Variants in ATXN1 observed in about 807,000 individuals in gnomAD.
ATXN1 encodes the protein ataxin-1.
In ATXN1, 8 loss-of-function variants were observed where a neutral mutation model predicts 56.4. The ratio of observed to expected loss-of-function variants is 0.14; its 90% CI spans 0.08 to 0.26. The LOEUF is 0.26. Among genes scored for constraint, ATXN1 ranks in the 10% least tolerant of loss-of-function variants. ATXN1 has a pLI of 1.00. For missense variants in ATXN1, 987 were observed against 1,106.5 expected (o/e 0.89, Z 1.53); for synonymous variants, 514 against 494.6 (o/e 1.04, Z -0.52).
chr6:16,455,364 A>T (rs1759844328), intron 6 of ATXN1, among the ~76,000 whole-genome samples: 1 of 152,226 alleles, frequency 6.6e-6, no homozygotes, highest in African/African-American at 2.4e-5. Context: ...GAATTAAAAC[A>T]AACACAAGAT....
At chr6:16,593,755 A>G (rs951254237) in intron 3 of ATXN1, among the ~76,000 whole-genome samples, 7 of 151,932 alleles carry the variant, frequency 4.6e-5, no homozygotes, top group African/African-American at 1.7e-4. Context: ...ATGTTGTTAC[A>G]GGTAGCTACT....
intron 2 of ATXN1, among the ~76,000 whole-genome samples, chr6:16,751,809 T>C (rs1049550665): frequency 1.3e-5 from 2 of 152,308 alleles, no homozygotes; most frequent in African/African-American, 4.8e-5. Flanking sequence ...AATCAACCTG[T>C]TGAGGGATAA....
chr6:16,569,736 A>C (rs1381425744), intron 4 of ATXN1, among the ~76,000 whole-genome samples: 2 of 152,172 alleles, frequency 1.3e-5, no homozygotes, highest in Admixed American at 1.3e-4. Flanking sequence ...ACTCCTTGAC[A>C]TACAGGCTGA....
In ATXN1 at chr6:16,300,163, G is replaced by C. The variant is rs1271152082; in HGVS notation, c.*6166C>G. 2.0e-5 allele frequency: 3 copies of C among 152,624 alleles called. No individual in the cohort carries two copies. Among genetic ancestry groups the C allele is most frequent in the African/African-American group, 7.2e-5 (3 of 41,446 alleles). The allele number at this position is 152,624 out of a possible 1,614,324, so 9.5% of individuals were successfully genotyped here. A position where few individuals can be genotyped will look rare whatever the true frequency, so the allele number is the denominator to read the frequency against. ...ATCCAGACAGCAAACAAACTAAAGG[G>C]AAAGAAAACGTGGGTGAAGCCTCCA... On this transcript the variant is annotated 3_prime_UTR_variant, in exon 8 of 8. Coordinates refer to ENST00000436367, the MANE Select transcript of ATXN1 (RefSeq NM_001128164.2).
chr6:16,671,943 G>A (rs1006340375), intron 2 of ATXN1, among the ~76,000 whole-genome samples: 3 of 152,130 alleles, frequency 2.0e-5, no homozygotes, highest in African/African-American at 7.2e-5. Context: ...TGATTAAAAT[G>A]TACCTTTGTT....
chr6:16,751,072 G>A (rs527799969), intron 2 of ATXN1, among the ~76,000 whole-genome samples: 2 of 150,852 alleles, frequency 1.3e-5, no homozygotes, highest in South Asian at 4.2e-4. Flanking sequence ...GGATTCAAGC[G>A]ATTCTCCTGC....
chr6:16,661,661 G>A (rs1280340945), intron 2 of ATXN1, among the ~76,000 whole-genome samples: 4 of 151,798 alleles, frequency 2.6e-5, no homozygotes, highest in Admixed American at 6.6e-5. Context: ...TTCCAAGACT[G>A]GGTTACATGA....
intron 4 of ATXN1, among the ~76,000 whole-genome samples, chr6:16,581,864 A>AC (rs1031006961): frequency 2.6e-5 from 4 of 152,216 alleles, no homozygotes; most frequent in Non-Finnish European, 5.9e-5. Flanking sequence ...TGTGATAAAG[A>AC]CACGGTGACA....
chr6:16,456,152 C>T (rs191919382), intron 6 of ATXN1, among the ~76,000 whole-genome samples: 1 of 152,132 alleles, frequency 6.6e-6, no homozygotes, highest in Non-Finnish European at 1.5e-5. Context: ...GGGTCTGTGC[C>T]ATCTTTAAGA....
chr6:16,714,290 G>A (rs551197415), intron 2 of ATXN1, among the ~76,000 whole-genome samples: 6 of 150,446 alleles, frequency 4.0e-5, no homozygotes, highest in South Asian at 4.2e-4. Flanking sequence ...CCCACCTTTC[G>A]GAGGTAGGCC....
intron 2 of ATXN1, among the ~76,000 whole-genome samples, chr6:16,730,020 C>T (rs529670457): frequency 1.1e-4 from 17 of 152,338 alleles, no homozygotes; most frequent in African/African-American, 3.6e-4. Context: ...CGATGGCGCA[C>T]GCCTGTAATC....
At chr6:16,386,541 A>G (rs560326117) in intron 6 of ATXN1, among the ~76,000 whole-genome samples, 19 of 152,320 alleles carry the variant, frequency 1.2e-4, no homozygotes, top group African/African-American at 4.6e-4. Context: ...ATACATTAAC[A>G]TATGTGGATA....
intron 2 of ATXN1, among the ~76,000 whole-genome samples, chr6:16,722,011 A>C (rs748950220): frequency 6.6e-6 from 1 of 152,150 alleles, no homozygotes; most frequent in Non-Finnish European, 1.5e-5. Context: ...CAACCACCTT[A>C]TTGCAGTGGC....
rs753358549 is a variant in ATXN1 at position 16,318,713 on chromosome 6, G to A, written c.1917+7681C>T. Reference sequence around the variant, plus strand: ...TAAACCCACACCCTAGCACCGGGACGCCTCCTAACACAAATCCCACATTAA... The same window carrying A: ...TAAACCCACACCCTAGCACCGGGACACCTCCTAACACAAATCCCACATTAA... On this transcript the variant is annotated intron_variant, in intron 7 of 7. Coordinates refer to ENST00000436367, the MANE Select transcript of ATXN1 (RefSeq NM_001128164.2). Among the ~76,000 whole-genome samples the A allele has an allele frequency of 1.2e-4, 19 of 152,166 alleles. No homozygotes were observed. The South Asian group carries it at 1.5e-3, about 12-fold the overall frequency.
At chr6:16,484,050 GT>G (rs201445747) in intron 6 of ATXN1, among the ~76,000 whole-genome samples, 8 of 151,988 alleles carry the variant, frequency 5.3e-5, no homozygotes, top group Admixed American at 4.6e-4. Flanking sequence ...TTACAATAAG[GT>G]TTTTTTTAAA....
intron 6 of ATXN1, among the ~76,000 whole-genome samples, chr6:16,445,973 G>A (rs535064954): frequency 7.2e-5 from 11 of 151,788 alleles, no homozygotes; most frequent in East Asian, 1.9e-4. Context: ...GAATAGTGCC[G>A]CCATAAACAT....
At chr6:16,708,841 C>T (rs1201713962) in intron 2 of ATXN1, among the ~76,000 whole-genome samples, 5 of 152,194 alleles carry the variant, frequency 3.3e-5, no homozygotes, top group East Asian at 3.9e-4. Context: ...GCCTGGCCAA[C>T]GTGGCGAAAC....
chr6:16,461,230 A>G (rs1337905936), intron 6 of ATXN1, among the ~76,000 whole-genome samples: 1 of 152,224 alleles, frequency 6.6e-6, no homozygotes, highest in African/African-American at 2.4e-5. Flanking sequence ...TCCCTGATCG[A>G]AACAGAATGG....
intron 6 of ATXN1, among the ~76,000 whole-genome samples, chr6:16,371,520 A>G (rs145266087): frequency 1.1e-4 from 16 of 152,248 alleles, no homozygotes; most frequent in African/African-American, 3.6e-4. Flanking sequence ...GCTCTTAAAA[A>G]AAAGAAACCA....
Sources: allele counts gnomAD v4.1 joint callset (sites outside exome capture counted in the v4.1 genomes callset), GRCh38; gene constraint gnomAD v4.1.1; transcripts MANE v1.5; gene names NCBI Gene and HGNC (gene_info 2026-07-23, HGNC 2026-07-21).